The following COQ6 variants were observed in gnomAD, a reference collection of about 807,000 sequenced individuals.
The protein encoded by COQ6 is coenzyme Q6, monooxygenase, also known as ubiquinone biosynthesis monooxygenase COQ6, mitochondrial.
COQ6 carries 45 observed loss-of-function variants against 55.5 expected under a neutral mutation model. That is an observed-to-expected ratio of 0.81 (90% CI 0.64 to 1.04). The LOEUF is 1.04. COQ6 is among the 50% of genes least tolerant of loss of function. The probability of loss-of-function intolerance (pLI) is 0.00; values close to 1 mark genes in which losing one functional copy is unlikely to be tolerated. For synonymous variants in COQ6, 206 were observed against 230.5 expected (o/e 0.89, Z 0.96); for missense variants, 550 against 601.3 (o/e 0.91, Z 0.89).
chr14:73,959,496 T>C lies in COQ6; in HGVS notation c.865T>C (p.Phe289Leu). 1 of 1,614,106 alleles carries C rather than the reference T, an allele frequency of 6.2e-7. No homozygotes were observed. Among genetic ancestry groups the C allele is most frequent in the South Asian group, 1.1e-5 (1 of 91,084 alleles). ...AELVSMDEEK[F>L]VDAVNSAFWS... ...GCTAGTTAGCATGGATGAGGAAAAA[T>C]TTGTGGATGCCGTTAACTCTGCCTT... Residue 289 changes from phenylalanine (F) to leucine (L), a missense_variant, in exon 8 of 12, where the codon TTT becomes CTT. Phe to Leu is a conservative substitution (Grantham distance 22, BLOSUM62 0). Transcript: ENST00000334571.
chr14:73,954,710 G>A (rs752097651), intron 2 of COQ6, among the ~76,000 whole-genome samples: 10 of 151,326 alleles, frequency 6.6e-5, no homozygotes, highest in African/African-American at 1.2e-4. Flanking sequence ...CGGGCATGGC[G>A]GCGGATGCCT....
Position 73,959,499 on chromosome 14 carries a change from G to A in COQ6, c.868G>A (p.Val290Met), listed in dbSNP as rs771744206. Reference sequence around the variant, plus strand: ...AGTTAGCATGGATGAGGAAAAATTTGTGGATGCCGTTAACTCTGCCTTTGT... The same window carrying A: ...AGTTAGCATGGATGAGGAAAAATTTATGGATGCCGTTAACTCTGCCTTTGT... The part of the protein sequence containing the change: ...ELVSMDEEKF[V>M]DAVNSAFWSD... The change falls in exon 8 of 12, where the codon GTG becomes ATG. Residue 290 changes from valine (V) to methionine (M), a missense_variant. Physicochemically the swap from Val to Met is conservative, Grantham distance 21 (BLOSUM62 1). Coordinates refer to ENST00000334571, the MANE Select transcript of COQ6 (RefSeq NM_182476.3). The A allele has an allele frequency of 7.4e-6, 12 of 1,614,116 alleles. No individual in the cohort carries two copies. The highest frequency in any genetic ancestry group is 9.3e-6 in the Non-Finnish European group (11 of 1,180,024).
chr14:73,950,990 T>A (rs1228349164), intron 1 of COQ6, among the ~76,000 whole-genome samples: 1 of 152,236 alleles, frequency 6.6e-6, no homozygotes, highest in Non-Finnish European at 1.5e-5. Flanking sequence ...TCTTGAATAC[T>A]GTGGTAAGAG....
intron 1 of COQ6, among the ~76,000 whole-genome samples, chr14:73,952,000 AAAG>A (rs1290627246): frequency 7.0e-6 from 1 of 142,906 alleles, no homozygotes; most frequent in African/African-American, 2.5e-5. Context: ...AAAAAAAAAA[AAAG>A]AAGATAGTGC....
intron 5 of COQ6, 184 bp downstream of exon 5, chr14:73,958,461 G>C: frequency 6.9e-7 from 1 of 1,459,392 alleles, no homozygotes; most frequent in Non-Finnish European, 9.1e-7. Context: ...TGTACAGGGA[G>C]CAATCTCATG....
chr14:73,950,008 C>G, upstream of COQ6: 1 of 1,613,114 alleles, frequency 6.2e-7, no homozygotes, highest in Non-Finnish European at 8.5e-7. Context: ...GGGGCTCCCT[C>G]AGGCCTCCCC....
In COQ6 at chr14:73,963,077, T is replaced by C. The variant is rs2056828700; in HGVS notation, c.*78T>C. The C allele has an allele frequency of 8.5e-7, 1 of 1,180,564 alleles. No homozygotes were observed. The highest frequency in any genetic ancestry group is 1.3e-6 in the Non-Finnish European group (1 of 787,054). 73.1% of individuals were successfully genotyped at this position (1,180,564 alleles called of 1,614,324 possible). A position where few individuals can be genotyped will look rare whatever the true frequency, so the allele number is the denominator to read the frequency against. On this transcript the variant is annotated 3_prime_UTR_variant, in exon 12 of 12. Transcript: ENST00000334571. ...GGACCCATCATACATATTTTCAAGA[T>C]CTTATTTAATTTAATAAACTTACTT...
rs772499574 is a variant in COQ6, at chr14:73,953,450, T to C, written c.179T>C (p.Phe60Ser). The C allele has an allele frequency of 2.5e-6, 4 of 1,613,946 alleles. No individual in the cohort carries two copies. The highest frequency in any genetic ancestry group is 3.4e-6 in the Non-Finnish European group (4 of 1,179,806). Residue 60 changes from phenylalanine (F) to serine (S), a missense_variant, in exon 2 of 12, where the codon TTT (phenylalanine) becomes TCT (serine). Phe to Ser is a radical substitution (Grantham distance 155). Coordinates refer to ENST00000334571, the MANE Select transcript of COQ6 (RefSeq NM_182476.3). ...TTTTTTTAAGGATATGATATTCACT[T>C]TCATGACAAGAAAATCCTGTTGCTC... Reference protein sequence around the residue: ...MACALGYDIHFHDKKILLLEA... With the variant: ...MACALGYDIHSHDKKILLLEA...
intron 5 of COQ6, 106 bp downstream of exon 5, chr14:73,958,383 A>C (rs1296028113): frequency 6.3e-7 from 1 of 1,575,386 alleles, no homozygotes; most frequent in African/African-American, 1.3e-5. Context: ...TTTTAGGCAA[A>C]ACTTTTGGTT....
chr14:73,963,015 A>G lies in COQ6; in HGVS notation c.*16A>G. On this transcript the variant is annotated 3_prime_UTR_variant, in exon 12 of 12. Coordinates refer to ENST00000334571, the MANE Select transcript of COQ6 (RefSeq NM_182476.3). ...AAGCAAATGAGTACTCCTCTCCTAAAGAAAGATTACGTTGATGAAAAAGAA... is the reference window on the plus strand; with the variant it reads ...AAGCAAATGAGTACTCCTCTCCTAAGGAAAGATTACGTTGATGAAAAAGAA... The G allele has an allele frequency of 6.3e-7, 1 of 1,597,312 alleles. No individual in the cohort carries two copies. The highest frequency in any genetic ancestry group is 8.6e-7 in the Non-Finnish European group (1 of 1,164,676).
intron 11 of COQ6, among the ~76,000 whole-genome samples, chr14:73,962,197 C>T (rs1474551495): frequency 2.0e-5 from 3 of 152,042 alleles, no homozygotes; most frequent in Non-Finnish European, 2.9e-5. Context: ...CTGCCTGCCT[C>T]GGCCTCCCAA....
intron 2 of COQ6, 56 bp from the exon 3 acceptor site, chr14:73,955,395 G>A: frequency 1.5e-6 from 2 of 1,350,042 alleles, no homozygotes; most frequent in South Asian, 2.3e-5. Context: ...GGAGGGACAA[G>A]GGGGAGCCCA....
intron 5 of COQ6, chr14:73,958,608 C>T: frequency 1.6e-6 from 2 of 1,288,026 alleles, no homozygotes; most frequent in Admixed American, 3.3e-5. Flanking sequence ...CTCCTTTCTG[C>T]TCACAAGCTT....
chr14:73,961,870 C>T lies in COQ6; in HGVS notation c.1344C>T (p.Gly448=). The T allele has an allele frequency of 3.1e-6, 5 of 1,614,178 alleles. No individual in the cohort carries two copies. The highest frequency in any genetic ancestry group is 2.2e-5 in the South Asian group (2 of 91,082). Residue 448 remains glycine (G), a synonymous_variant, in exon 11 of 12, where the codon GGC becomes GGT. Coordinates refer to ENST00000334571, the MANE Select transcript of COQ6 (RefSeq NM_182476.3). ...CGCTTGTGTTGCTCAGGACGTGGGGCTTGCAGGCCACAAATGCAGTGTCTC... is the reference window on the plus strand; with the variant it reads ...CGCTTGTGTTGCTCAGGACGTGGGGTTTGCAGGCCACAAATGCAGTGTCTC... ...ASPLVLLRTW[G]LQATNAVSPL...
intron 1 of COQ6, 89 bp from the exon 2 acceptor site, chr14:73,953,346 G>C (rs2056272610): frequency 8.9e-7 from 1 of 1,119,688 alleles, no homozygotes. Flanking sequence ...CATATTCTAA[G>C]GGTTAAGTGG....
intron 8 of COQ6, chr14:73,960,336 G>A (rs904205210): frequency 1.2e-5 from 12 of 986,806 alleles, no homozygotes; most frequent in Non-Finnish European, 1.4e-5. Context: ...TACATTGTAG[G>A]TGCTCAACAA....
intron 8 of COQ6, chr14:73,960,018 G>A (rs1471014448): frequency 2.9e-6 from 3 of 1,022,632 alleles, no homozygotes; most frequent in African/African-American, 1.7e-5. Flanking sequence ...CCTTTTGAGG[G>A]TTGTGGGCTG....
Position 73,953,452 on chromosome 14 carries a change from C to T in COQ6, c.181C>T (p.His61Tyr), listed in dbSNP as rs2140366860. The change falls in exon 2 of 12, where the codon CAT (histidine) becomes TAT (tyrosine). Residue 61 changes from histidine (H) to tyrosine (Y), a missense_variant. Transcript: ENST00000334571. Reference sequence around the variant, plus strand: ...TTTTTAAGGATATGATATTCACTTTCATGACAAGAAAATCCTGTTGCTCGA... The same window carrying T: ...TTTTTAAGGATATGATATTCACTTTTATGACAAGAAAATCCTGTTGCTCGA... The part of the protein sequence containing the change: ...ACALGYDIHF[H>Y]DKKILLLEAG... 2 of 1,613,694 alleles carry T rather than the reference C, an allele frequency of 1.2e-6. No individual in the cohort carries two copies. Among genetic ancestry groups the T allele is most frequent in the Non-Finnish European group, 1.7e-6 (2 of 1,179,668 alleles).
intron 3 of COQ6, 129 bp downstream of exon 3, chr14:73,955,638 G>C: frequency 7.5e-7 from 1 of 1,341,748 alleles, no homozygotes; most frequent in Non-Finnish European, 1.1e-6. Flanking sequence ...CCGAGGAAGT[G>C]GGGAGAAGCA....
Sources: allele counts gnomAD v4.1 joint callset (sites outside exome capture counted in the v4.1 genomes callset), GRCh38; gene constraint gnomAD v4.1.1; transcripts MANE v1.5; gene names NCBI Gene and HGNC (gene_info 2026-07-23, HGNC 2026-07-21).